The following EYS variants were observed in gnomAD, a reference collection of about 807,000 sequenced individuals.
EYS encodes protein eyes shut homolog.
A neutral mutation model predicts 282.1 loss-of-function variants in EYS; 250 were observed. The ratio of observed to expected loss-of-function variants is 0.89; its 90% CI spans 0.80 to 0.98. EYS has a LOEUF of 0.98. Ranked by LOEUF, EYS falls within the 50% of genes least tolerant of loss-of-function variation. The pLI is 0.00. For synonymous variants in EYS, 1,355 were observed against 1,282.9 expected, an observed-to-expected ratio of 1.06 and a Z score of -1.20; for missense variants, 4,016 against 3,709.0, an observed-to-expected ratio of 1.08 and a Z score of -2.15.
intron 12 of EYS, among the ~76,000 whole-genome samples, chr6:65,179,956 C>G (rs148680717): frequency 6.6e-6 from 1 of 151,964 alleles, no homozygotes; most frequent in Non-Finnish European, 1.5e-5. Flanking sequence ...AGACAAAAAC[C>G]GTATGATTAT....
At chr6:63,932,069 A>G (rs2149751796) in intron 35 of EYS, among the ~76,000 whole-genome samples, 1 of 152,284 alleles carries the variant, frequency 6.6e-6, no homozygotes, top group Non-Finnish European at 1.5e-5. Context: ...CATGCGGTTC[A>G]CATATGAATG....
intron 30 of EYS, among the ~76,000 whole-genome samples, chr6:64,296,579 TATATACATATATATATA>T (rs1561913767): frequency 2.2e-3 from 15 of 6,718 alleles, no homozygotes; most frequent in African/African-American, 9.6e-3. Flanking sequence ...TATATATATA[TATATACATATATATATA>T]TATTTTTTTT....
chr6:64,725,928 C>T (rs1771738869), intron 22 of EYS, among the ~76,000 whole-genome samples: 1 of 152,052 alleles, frequency 6.6e-6, no homozygotes, highest in South Asian at 2.1e-4. Context: ...CCTTCTAATG[C>T]CTACAAATTA....
chr6:65,464,424 C>A (rs1252064549), intron 5 of EYS, among the ~76,000 whole-genome samples: 1 of 152,060 alleles, frequency 6.6e-6, no homozygotes, highest in Non-Finnish European at 1.5e-5. Flanking sequence ...TAAGATATCT[C>A]CCAAATTATG....
chr6:65,160,044 T>G (rs1163188606), intron 12 of EYS, among the ~76,000 whole-genome samples: 1 of 151,042 alleles, frequency 6.6e-6, no homozygotes, highest in African/African-American at 2.4e-5. Context: ...CTGCCACAAT[T>G]TGATTTTTTG....
At chr6:64,018,842 T>C (rs1254674865) in intron 33 of EYS, among the ~76,000 whole-genome samples, 1 of 139,552 alleles carries the variant, frequency 7.2e-6, no homozygotes, top group Non-Finnish European at 1.5e-5. Context: ...TGGCACAGTC[T>C]CAGCTCACTG....
intron 22 of EYS, among the ~76,000 whole-genome samples, chr6:64,719,535 T>A (rs1318180922): frequency 6.6e-6 from 1 of 152,094 alleles, no homozygotes; most frequent in East Asian, 1.9e-4. Context: ...AAAAGAAAAA[T>A]TCCTGAGAGA....
chr6:65,009,547 C>A (rs986018246), intron 13 of EYS, among the ~76,000 whole-genome samples: 1 of 152,118 alleles, frequency 6.6e-6, no homozygotes, highest in Non-Finnish European at 1.5e-5. Flanking sequence ...AGCCTTCAAA[C>A]CCAACGTCTC....
chr6:65,288,089 G>T (rs1201456598), intron 12 of EYS, among the ~76,000 whole-genome samples: 2 of 151,082 alleles, frequency 1.3e-5, no homozygotes, highest in African/African-American at 2.4e-5. Flanking sequence ...AAATTATGTA[G>T]CAGAATAATT....
At chr6:64,653,730 A>ATTTT (rs10680654) in intron 22 of EYS, among the ~76,000 whole-genome samples, 5,324 of 136,850 alleles carry the variant, frequency 0.039, 337 homozygotes, top group African/African-American at 0.12. Context: ...ATGCCCAGCT[A>ATTTT]TTTTTTTTTT....
At chr6:64,452,552 T>G (rs1209721853) in intron 26 of EYS, among the ~76,000 whole-genome samples, 3 of 152,056 alleles carry the variant, frequency 2.0e-5, no homozygotes, top group Non-Finnish European at 4.4e-5. Context: ...CATTGCCAAG[T>G]CAATCCTAAG....
Position 64,230,655 on chromosome 6 carries a change from T to TG in EYS, c.6360dup (p.Ser2121GlnfsTer9). 6.4e-7 allele frequency: 1 copy of TG among 1,551,554 alleles called. No individual in the cohort carries two copies. The highest frequency in any genetic ancestry group is 8.7e-7 in the Non-Finnish European group (1 of 1,146,894). ...TCACATTGGAATGACACTATGCCAC[T>TG]GGAGAGGAAGATGGCATGGCATGTG... On this transcript the variant is annotated frameshift_variant, in exon 31 of 43. Transcript: ENST00000503581. LOFTEE classifies it high-confidence loss of function.
intron 26 of EYS, among the ~76,000 whole-genome samples, chr6:64,492,795 G>C (rs1457876713): frequency 1.3e-5 from 2 of 151,128 alleles, no homozygotes; most frequent in African/African-American, 2.4e-5. Flanking sequence ...AAATAAATTA[G>C]TACAGATAGC....
At chr6:65,097,600 T>C (rs1774775684) in intron 12 of EYS, among the ~76,000 whole-genome samples, 1 of 150,848 alleles carries the variant, frequency 6.6e-6, no homozygotes, top group African/African-American at 2.4e-5. Flanking sequence ...ACCACCTAAA[T>C]GTCTATTGAT....
At chr6:65,357,376 A>G (rs1764527307) in intron 8 of EYS, among the ~76,000 whole-genome samples, 1 of 151,962 alleles carries the variant, frequency 6.6e-6, no homozygotes. Context: ...GTTCTTGTCC[A>G]TCGTCTATAA....
chr6:63,925,807 C>T (rs1438452582), intron 35 of EYS, among the ~76,000 whole-genome samples: 1 of 152,174 alleles, frequency 6.6e-6, no homozygotes, highest in Admixed American at 6.5e-5. Context: ...CCACGCCTGG[C>T]TAATTTTTTT....
chr6:65,643,509 G>A (rs749491815), intron 1 of EYS, among the ~76,000 whole-genome samples: 7 of 152,116 alleles, frequency 4.6e-5, no homozygotes, highest in Non-Finnish European at 7.4e-5. Flanking sequence ...TTGTCCACTG[G>A]CTGAGAAACC....
chr6:64,353,268 T>G (rs1475321396), intron 29 of EYS, among the ~76,000 whole-genome samples: 2 of 151,516 alleles, frequency 1.3e-5, no homozygotes, highest in Non-Finnish European at 3.0e-5. Context: ...ATAGAAAAAT[T>G]TATGACTTTG....
At chr6:64,327,345 G>A (rs929137167) in intron 29 of EYS, among the ~76,000 whole-genome samples, 3 of 152,084 alleles carry the variant, frequency 2.0e-5, no homozygotes, top group Non-Finnish European at 2.9e-5. Flanking sequence ...GAGGAAATGG[G>A]AGGAAAAGTA....
Sources: gnomAD v4.1 joint callset for allele counts (sites outside exome capture counted in the v4.1 genomes callset) on GRCh38, gnomAD v4.1.1 for gene constraint, MANE v1.5 for transcripts, NCBI Gene and HGNC (gene_info 2026-07-23, HGNC 2026-07-21) for gene names.